ARHGAP42: variants seen among roughly 807,000 people sequenced by gnomAD.
ARHGAP42 encodes Rho GTPase activating protein 42.
In ARHGAP42, 63 loss-of-function variants were observed where a neutral mutation model predicts 125.0. The observed-to-expected ratio is 0.50, with a 90% CI of 0.41 to 0.62. The LOEUF is 0.62. Among genes scored for constraint, ARHGAP42 ranks in the 20% least tolerant of loss-of-function variants. ARHGAP42 has a pLI of 0.00. For synonymous variants in ARHGAP42, 339 were observed against 351.0 expected (o/e 0.97, Z 0.38); for missense variants, 766 against 1,024.2 (o/e 0.75, Z 3.44).
intron 4 of ARHGAP42, among the ~76,000 whole-genome samples, chr11:100,878,834 C>T (rs1865886464): frequency 6.6e-6 from 1 of 151,968 alleles, no homozygotes; most frequent in African/African-American, 2.4e-5. Flanking sequence ...AAGATGCCTC[C>T]ATGGACTTGC....
chr11:100,955,245 A>G (rs914273458), intron 12 of ARHGAP42, among the ~76,000 whole-genome samples: 145 of 152,018 alleles, frequency 9.5e-4, no homozygotes, highest in Admixed American at 2.9e-3. Context: ...GGAAAAAAAA[A>G]GGTTTAGGCT....
intron 1 of ARHGAP42, among the ~76,000 whole-genome samples, chr11:100,720,379 G>T (rs928298495): frequency 1.3e-5 from 2 of 152,144 alleles, no homozygotes; most frequent in South Asian, 2.1e-4. Context: ...AATGGGAAAA[G>T]AATTCATACA....
chr11:100,853,453 G>C (rs1865251896), intron 3 of ARHGAP42, among the ~76,000 whole-genome samples: 1 of 152,100 alleles, frequency 6.6e-6, no homozygotes, highest in African/African-American at 2.4e-5. Context: ...AGAGATTGCT[G>C]GGTAGAAAGG....
chr11:100,730,472 G>T lies in ARHGAP42; in HGVS notation c.155-39871G>T, dbSNP rs974500609. 1.1e-4 allele frequency among the ~76,000 whole-genome samples: 16 copies of T among 152,292 alleles called. No individual in the cohort carries two copies. In the East Asian group the frequency reaches 2.9e-3, roughly 28 times the overall value. The stretch of plus-strand genomic sequence containing the variant: ...TTTAGGCTGAAATTCAATTACAGCT[G>T]AAAAGCCAATGTTGCTTTCTCACAA... On this transcript the variant is annotated intron_variant, in intron 1 of 23. Transcript: ENST00000298815.
intron 1 of ARHGAP42, among the ~76,000 whole-genome samples, chr11:100,730,749 C>T (rs1861941646): frequency 6.6e-6 from 1 of 152,168 alleles, no homozygotes; most frequent in Admixed American, 6.5e-5. Flanking sequence ...ATTGTGTGAA[C>T]ATCATAGAAT....
At chr11:100,943,241 T>C (rs1867928216) in intron 9 of ARHGAP42, among the ~76,000 whole-genome samples, 1 of 151,948 alleles carries the variant, frequency 6.6e-6, no homozygotes, top group African/African-American at 2.4e-5. Context: ...TACTATTATA[T>C]CATGTATATA....
At position 100,739,279 on chromosome 11, in the gene ARHGAP42, A is replaced by AT. The variant is rs555610031; in HGVS notation, c.155-31052dup. On this transcript the variant is annotated intron_variant, in intron 1 of 23. Coordinates refer to ENST00000298815, the MANE Select transcript of ARHGAP42 (RefSeq NM_152432.4). The stretch of plus-strand genomic sequence containing the variant: ...CTTTTGGTAATTAAAATACTCTTGG[A>AT]TTTTTTTTTTTTAGTTAAAGTTCAG... 9.2e-3 allele frequency among the ~76,000 whole-genome samples: 1,344 copies of AT among 146,518 alleles called. 10 individuals carry two copies. Among genetic ancestry groups the AT allele is most frequent in the African/African-American group, 0.031 (1,242 of 40,404 alleles).
At chr11:100,778,906 C>T (rs533151227) in intron 2 of ARHGAP42, among the ~76,000 whole-genome samples, 3 of 152,000 alleles carry the variant, frequency 2.0e-5, no homozygotes, top group East Asian at 3.9e-4. Flanking sequence ...TTTGTTCTGC[C>T]CAACAAAAAA....
intron 5 of ARHGAP42, among the ~76,000 whole-genome samples, chr11:100,916,439 G>GA (rs1446590096): frequency 1.3e-5 from 2 of 152,066 alleles, no homozygotes; most frequent in African/African-American, 2.4e-5. Flanking sequence ...CACTTCAATG[G>GA]AAAAAATGGG....
Position 100,992,909 on chromosome 11 carries a change from G to T in ARHGAP42, c.*4108G>T. On this transcript the variant is annotated 3_prime_UTR_variant, in exon 24 of 24. Transcript: ENST00000298815. ...CAGCCCATCATTCCTTTTCCCCTTG[G>T]CACTCATGAGAGAGATGCCAAGTTC... is the stretch of plus-strand genomic sequence containing the variant. 1 of 532,894 alleles carries T rather than the reference G, an allele frequency of 1.9e-6. No individual in the cohort carries two copies. Among genetic ancestry groups the T allele is most frequent in the East Asian group, 3.2e-5 (1 of 31,296 alleles). 33.0% of individuals were successfully genotyped at this position (532,894 alleles called of 1,614,324 possible).
At chr11:100,854,305 G>T (rs1158108019) in intron 3 of ARHGAP42, among the ~76,000 whole-genome samples, 1 of 152,154 alleles carries the variant, frequency 6.6e-6, no homozygotes, top group Non-Finnish European at 1.5e-5. Flanking sequence ...AATGGAGAAA[G>T]ATGAAAGTTA....
At chr11:100,691,977 C>T (rs1230545332) in intron 1 of ARHGAP42, among the ~76,000 whole-genome samples, 5 of 151,880 alleles carry the variant, frequency 3.3e-5, no homozygotes, top group African/African-American at 7.3e-5. Context: ...ACCATAAATA[C>T]ATACAACTTT....
chr11:100,898,680 T>TG (rs1348550466), intron 4 of ARHGAP42, among the ~76,000 whole-genome samples: 1 of 152,220 alleles, frequency 6.6e-6, no homozygotes, highest in Non-Finnish European at 1.5e-5. Flanking sequence ...GTGAGGTCGG[T>TG]GGTGATATCC....
intron 4 of ARHGAP42, among the ~76,000 whole-genome samples, chr11:100,875,223 T>A (rs982450459): frequency 2.0e-5 from 3 of 152,034 alleles, no homozygotes; most frequent in African/African-American, 7.2e-5. Context: ...TTTTTATTTA[T>A]TTTATTTTTT....
At chr11:100,833,438 G>T (rs1399688696) in intron 3 of ARHGAP42, among the ~76,000 whole-genome samples, 1 of 152,106 alleles carries the variant, frequency 6.6e-6, no homozygotes, top group East Asian at 1.9e-4. Flanking sequence ...CTGCAGTTTG[G>T]GCAGGGCTCA....
chr11:100,951,497 A>G (rs538966720), intron 12 of ARHGAP42, among the ~76,000 whole-genome samples: 1 of 152,294 alleles, frequency 6.6e-6, no homozygotes, highest in Non-Finnish European at 1.5e-5. Flanking sequence ...GATATGCACT[A>G]TAAGGTTAGT....
chr11:100,957,594 A>T (rs1179529469), intron 12 of ARHGAP42, among the ~76,000 whole-genome samples: 3 of 152,134 alleles, frequency 2.0e-5, no homozygotes, highest in African/African-American at 7.2e-5. Context: ...GGTCAAAGGA[A>T]ACAAAAATTC....
intron 3 of ARHGAP42, among the ~76,000 whole-genome samples, chr11:100,822,031 A>G (rs1224727050): frequency 6.6e-6 from 1 of 152,232 alleles, no homozygotes; most frequent in Non-Finnish European, 1.5e-5. Flanking sequence ...ATGTACGGGT[A>G]AAATATTGTG....
chr11:100,874,594 T>C (rs1591258410), intron 4 of ARHGAP42, among the ~76,000 whole-genome samples: 1 of 152,186 alleles, frequency 6.6e-6, no homozygotes, highest in Non-Finnish European at 1.5e-5. Context: ...GTATTTTCCA[T>C]GGAGTTCACA....
Sources: gnomAD v4.1 joint callset for allele counts (sites outside exome capture counted in the v4.1 genomes callset) on GRCh38, gnomAD v4.1.1 for gene constraint, MANE v1.5 for transcripts, NCBI Gene and HGNC (gene_info 2026-07-23, HGNC 2026-07-21) for gene names.